Variants in AGO3 observed in about 807,000 individuals in gnomAD.
The protein encoded by AGO3 is argonaute RISC catalytic component 3, also known as protein argonaute-3.
Under a neutral mutation model 105.5 loss-of-function variants are expected in AGO3, and 16 were observed. That is an observed-to-expected ratio of 0.15 (90% CI 0.10 to 0.23). The LOEUF (loss-of-function observed/expected upper bound fraction) is 0.23, where lower values mean the gene tolerates loss of function less well. Among genes scored for constraint, AGO3 ranks in the 10% least tolerant of loss-of-function variants. The probability of loss-of-function intolerance (pLI) is 1.00; values close to 1 mark genes in which losing one functional copy is unlikely to be tolerated. For missense variants in AGO3, 534 were observed against 1,088.0 expected (o/e 0.49, Z 7.16); for synonymous variants, 340 against 367.3 (o/e 0.93, Z 0.85).
chr1:36,070,495 A>C lies in AGO3; in HGVS notation c.*14750A>C, dbSNP rs995691436. ...CTGTTTCTAGGAAATTACAAAGGGC[A>C]CACCACTGCAGGGAGTGTAAACAAT... On this transcript the variant is annotated 3_prime_UTR_variant, in exon 19 of 19. Transcript: ENST00000373191. The C allele has an allele frequency of 2.6e-5, 4 of 152,232 alleles. No individual in the cohort carries two copies. Among genetic ancestry groups the C allele is most frequent in the Admixed American group, 6.5e-5 (1 of 15,288 alleles). The allele number at this position is 152,232 out of a possible 1,614,324, so 9.4% of individuals were successfully genotyped here. A position where few individuals can be genotyped will look rare whatever the true frequency, so the allele number is the denominator to read the frequency against.
chr1:35,999,544 A>T (rs2148804039), intron 5 of AGO3, among the ~76,000 whole-genome samples: 1 of 152,310 alleles, frequency 6.6e-6, no homozygotes, highest in South Asian at 2.1e-4. Flanking sequence ...AGTATCTTTC[A>T]ATAAAAGAGA....
intron 2 of AGO3, among the ~76,000 whole-genome samples, chr1:35,949,335 T>C (rs1170783471): frequency 6.6e-6 from 1 of 152,388 alleles, no homozygotes; most frequent in African/African-American, 2.4e-5. Flanking sequence ...TTTGATTTAA[T>C]GTCAACATCT....
intron 2 of AGO3, among the ~76,000 whole-genome samples, chr1:35,964,211 T>G (rs1646732154): frequency 6.6e-6 from 1 of 152,088 alleles, no homozygotes; most frequent in African/African-American, 2.4e-5. Flanking sequence ...TGTCATGGGT[T>G]TATTGTCACC....
At chr1:36,034,117 T>G (rs770564643) in intron 12 of AGO3, 57 bp from the exon 13 acceptor site, 1 of 1,425,002 alleles carries the variant, frequency 7.0e-7, no homozygotes, top group Non-Finnish European at 9.3e-7. Context: ...ATTTTCAGTA[T>G]GTAAAATTAT....
chr1:36,023,879 C>T (rs891153186), intron 11 of AGO3, among the ~76,000 whole-genome samples: 1 of 152,072 alleles, frequency 6.6e-6, no homozygotes, highest in Admixed American at 6.6e-5. Flanking sequence ...CTTTCATCTC[C>T]ACCACTTTTT....
At chr1:35,930,955 G>C (rs1646029333), upstream of AGO3, 1 of 311,560 alleles carries the variant, frequency 3.2e-6, no homozygotes, top group East Asian at 5.2e-5. Context: ...ATGTGGCCCG[G>C]CTCCCGGACA....
Position 35,945,740 on chromosome 1 carries a change from A to G in AGO3, c.68A>G (p.Tyr23Cys), listed in dbSNP as rs767870379. 1.9e-5 allele frequency: 31 copies of G among 1,613,056 alleles called. No individual in the cohort carries two copies. The highest frequency in any genetic ancestry group is 5.0e-5 in the Admixed American group (3 of 59,990). ...PLLMVPRRPG[Y>C]GTMGKPIKLL... ...CTCATGGTGCCCAGAAGACCTGGCT[A>G]TGGCACCATGGGCAAACCCATTAAA... Residue 23 changes from tyrosine to cysteine, a missense_variant, in exon 2 of 19, where the codon TAT (tyrosine) becomes TGT (cysteine). Transcript: ENST00000373191.
chr1:35,940,856 C>G (rs1646240577), intron 1 of AGO3, among the ~76,000 whole-genome samples: 1 of 152,164 alleles, frequency 6.6e-6, no homozygotes, highest in Non-Finnish European at 1.5e-5. Flanking sequence ...AGTTCCTTTG[C>G]TGTTTTCATT....
chr1:36,021,154 G>A (rs1437831947), intron 11 of AGO3, among the ~76,000 whole-genome samples: 3 of 151,968 alleles, frequency 2.0e-5, no homozygotes, highest in Admixed American at 6.6e-5. Flanking sequence ...GGCTGGTCTC[G>A]AACTCCTGAC....
Position 36,054,867 on chromosome 1 carries a change from GC to G in AGO3, c.2275-78del, listed in dbSNP as rs1642864286. Reference sequence around the variant, plus strand: ...ATTGCACTTCAGCCTGGGTGACAGAGCAAGACTTTGTCTCAAAAAACAAAAC... The same window carrying G: ...ATTGCACTTCAGCCTGGGTGACAGAGAAGACTTTGTCTCAAAAAACAAAAC... On this transcript the variant is annotated intron_variant, in intron 17 of 18. Coordinates refer to ENST00000373191, the MANE Select transcript of AGO3 (RefSeq NM_024852.4). 2.2e-6 allele frequency: 3 copies of G among 1,395,114 alleles called. No individual in the cohort carries two copies. The East Asian group carries it at 6.9e-5, about 32-fold the overall frequency. 86.4% of individuals were successfully genotyped at this position (1,395,114 alleles called of 1,614,324 possible).
chr1:35,951,565 T>C (rs1646470202), intron 2 of AGO3, among the ~76,000 whole-genome samples: 1 of 152,034 alleles, frequency 6.6e-6, no homozygotes, highest in Admixed American at 6.6e-5. Flanking sequence ...ATTTTTCTAC[T>C]TTTTGTAGAG....
intron 5 of AGO3, among the ~76,000 whole-genome samples, chr1:35,986,525 C>T (rs868259352): frequency 1.3e-5 from 2 of 151,924 alleles, no homozygotes; most frequent in Non-Finnish European, 2.9e-5. Flanking sequence ...CCCATCTCTA[C>T]GTAAAATACA....
chr1:35,981,120 T>A (rs569651752), intron 5 of AGO3, among the ~76,000 whole-genome samples: 1 of 152,340 alleles, frequency 6.6e-6, no homozygotes, highest in South Asian at 2.1e-4. Flanking sequence ...TTAGGAATTT[T>A]TCAGTGTGAG....
intron 5 of AGO3, chr1:35,982,615 T>G: frequency 4.2e-6 from 3 of 717,652 alleles, no homozygotes; most frequent in Non-Finnish European, 2.6e-6. Context: ...CATATTTGTT[T>G]TCCAGAAAGA....
intron 1 of AGO3, among the ~76,000 whole-genome samples, chr1:35,937,753 G>A (rs958110987): frequency 2.6e-5 from 4 of 152,166 alleles, no homozygotes; most frequent in African/African-American, 9.7e-5. Context: ...CTGGCTGGAT[G>A]TTCTATAAGT....
intron 6 of AGO3, chr1:36,005,705 C>A: frequency 3.0e-6 from 3 of 985,216 alleles, no homozygotes; most frequent in Non-Finnish European, 3.6e-6. Context: ...ACTCATATCA[C>A]CACTCTATCA....
rs1557724370 is a variant in AGO3, at chr1:36,070,649, G to C, written c.*14904G>C. On this transcript the variant is annotated 3_prime_UTR_variant, in exon 19 of 19. Transcript: ENST00000373191. Reference sequence around the variant, plus strand: ...TGCCAACCTCCCCTTGTTGCAGGCAGTTGGGCTTTTCCAACTCATTGCTAA... The same window carrying C: ...TGCCAACCTCCCCTTGTTGCAGGCACTTGGGCTTTTCCAACTCATTGCTAA... 6.6e-6 allele frequency: 1 copy of C among 152,208 alleles called. No homozygotes were observed. Among genetic ancestry groups the C allele is most frequent in the Non-Finnish European group, 1.5e-5 (1 of 68,032 alleles). 9.4% of individuals were successfully genotyped at this position (152,208 alleles called of 1,614,324 possible).
At chr1:36,005,181 A>C (rs1053296851) in intron 6 of AGO3, among the ~76,000 whole-genome samples, 2 of 152,170 alleles carry the variant, frequency 1.3e-5, no homozygotes, top group Non-Finnish European at 2.9e-5. Flanking sequence ...AGTTCTATTT[A>C]TATTGTTAGA....
Position 36,071,577 on chromosome 1 carries a change from CCCT to C in AGO3, c.*15837_*15839del, listed in dbSNP as rs1465425507. The C allele has an allele frequency of 2.0e-4, 30 of 152,124 alleles. 1 individual carries two copies. The allele number at this position is 152,124 out of a possible 1,614,324, so 9.4% of individuals were successfully genotyped here. A position where few individuals can be genotyped will look rare whatever the true frequency, so the allele number is the denominator to read the frequency against. ...GCAAAATGATGGGACTCTCAAACCT[CCCT>C]CCTCATCTTCCCTTCCCCTCTGTCT... On this transcript the variant is annotated 3_prime_UTR_variant, in exon 19 of 19. Coordinates refer to ENST00000373191, the MANE Select transcript of AGO3 (RefSeq NM_024852.4).
Sources: allele counts gnomAD v4.1 joint callset (sites outside exome capture counted in the v4.1 genomes callset), GRCh38; gene constraint gnomAD v4.1.1; transcripts MANE v1.5; gene names NCBI Gene and HGNC (gene_info 2026-07-23, HGNC 2026-07-21).